LRRC4C: variants seen among roughly 807,000 people sequenced by gnomAD.
LRRC4C encodes the protein leucine rich repeat containing 4C.
A neutral mutation model predicts 33.6 loss-of-function variants in LRRC4C; 5 were observed. The ratio of observed to expected loss-of-function variants is 0.15; its 90% CI spans 0.08 to 0.31. LRRC4C has a LOEUF of 0.31. Among genes scored for constraint, LRRC4C ranks in the 10% least tolerant of loss-of-function variants. LRRC4C has a pLI of 1.00. For synonymous variants in LRRC4C, 329 were observed against 302.0 expected, an observed-to-expected ratio of 1.09 and a Z score of -0.93; for missense variants, 560 against 796.7, an observed-to-expected ratio of 0.70 and a Z score of 3.58.
chr11:41,222,656 C>A (rs1206974964), intron 1 of LRRC4C: 2 of 151,934 alleles, frequency 1.3e-5, no homozygotes, highest in African/African-American at 4.8e-5. Context: ...TTGACCTTGG[C>A]CCCAATCTAT....
intron 2 of LRRC4C, among the ~76,000 whole-genome samples, chr11:40,884,357 A>T (rs1040221491): frequency 2.0e-5 from 3 of 152,164 alleles, no homozygotes; most frequent in Admixed American, 1.3e-4. Flanking sequence ...TATTGTAAAT[A>T]GTGCTGCAAT....
chr11:40,876,429 C>T (rs992133566), intron 2 of LRRC4C, among the ~76,000 whole-genome samples: 10 of 151,942 alleles, frequency 6.6e-5, no homozygotes, highest in African/African-American at 2.4e-4. Context: ...CTTGTCGCCC[C>T]CAAAGTTCCA....
At chr11:40,613,847 G>A (rs4756610) in intron 3 of LRRC4C, among the ~76,000 whole-genome samples, 65,547 of 151,614 alleles carry the variant, frequency 0.43, 15,249 homozygotes, top group Middle Eastern at 0.57. Flanking sequence ...CTTAGGTGAC[G>A]AGGTGCATTG....
At chr11:40,378,974 T>C (rs1220199689) in intron 3 of LRRC4C, among the ~76,000 whole-genome samples, 1 of 152,126 alleles carries the variant, frequency 6.6e-6, no homozygotes, top group Non-Finnish European at 1.5e-5. Flanking sequence ...CATTGATTTA[T>C]TTAAATATTA....
chr11:41,420,408 G>C (rs955460684), intron 1 of LRRC4C, among the ~76,000 whole-genome samples: 1 of 151,902 alleles, frequency 6.6e-6, no homozygotes, highest in Non-Finnish European at 1.5e-5. Flanking sequence ...AAAGAAGAAG[G>C]TCTATGCCAT....
At chr11:40,460,109 A>G (rs969401986) in intron 3 of LRRC4C, among the ~76,000 whole-genome samples, 1 of 152,098 alleles carries the variant, frequency 6.6e-6, no homozygotes, top group Non-Finnish European at 1.5e-5. Flanking sequence ...TCTTTCCACA[A>G]AAACTTCAAT....
intron 3 of LRRC4C, among the ~76,000 whole-genome samples, chr11:40,515,652 G>A (rs922612260): frequency 1.3e-5 from 2 of 151,998 alleles, no homozygotes; most frequent in Admixed American, 1.3e-4. Context: ...GTACTAGACT[G>A]TAAGACTTAG....
At chr11:41,355,431 T>C (rs1040720452) in intron 1 of LRRC4C, among the ~76,000 whole-genome samples, 1 of 152,132 alleles carries the variant, frequency 6.6e-6, no homozygotes, top group Non-Finnish European at 1.5e-5. Flanking sequence ...AAGGTAGTAG[T>C]TTCCCACCTA....
At position 40,642,702 on chromosome 11, in the gene LRRC4C, A is replaced by G. The variant is rs149628988; in HGVS notation, c.-270+5440T>C. The stretch of plus-strand genomic sequence containing the variant: ...ATTTGTTAAATGAATTCATTTAATA[A>G]TTATTCTTTCATTCAACAATTATTT... On this transcript the variant is annotated intron_variant, in intron 3 of 6. Coordinates refer to ENST00000528697, the MANE Select transcript of LRRC4C (RefSeq NM_001258419.2). Among the ~76,000 whole-genome samples the G allele has an allele frequency of 1.4e-3, 219 of 152,294 alleles. 1 individual carries two copies. Among genetic ancestry groups the G allele is most frequent in the African/African-American group, 5.1e-3 (213 of 41,582 alleles).
chr11:40,366,829 T>C (rs1948228009), intron 3 of LRRC4C, among the ~76,000 whole-genome samples: 1 of 152,088 alleles, frequency 6.6e-6, no homozygotes, highest in African/African-American at 2.4e-5. Flanking sequence ...TCTGACCTTA[T>C]GCAAGTCTCC....
intron 2 of LRRC4C, among the ~76,000 whole-genome samples, chr11:40,931,400 G>A (rs1438380591): frequency 1.3e-5 from 2 of 152,004 alleles, no homozygotes; most frequent in Admixed American, 1.3e-4. Context: ...TTTTAGACAC[G>A]TGTGCATGCA....
At chr11:40,953,682 T>G (rs187686624) in intron 1 of LRRC4C, among the ~76,000 whole-genome samples, 4 of 151,898 alleles carry the variant, frequency 2.6e-5, no homozygotes, top group Admixed American at 1.3e-4. Context: ...CTATAAGGAC[T>G]TATTTTTCTG....
At chr11:41,369,478 C>A (rs754452889) in intron 1 of LRRC4C, among the ~76,000 whole-genome samples, 30 of 151,496 alleles carry the variant, frequency 2.0e-4, no homozygotes, top group Non-Finnish European at 3.7e-4. Context: ...ATCTGTACAA[C>A]AAACCCCTAT....
At chr11:40,288,068 C>T (rs904501374) in intron 4 of LRRC4C, among the ~76,000 whole-genome samples, 4 of 152,172 alleles carry the variant, frequency 2.6e-5, no homozygotes, top group Admixed American at 6.6e-5. Flanking sequence ...CATATGCAAT[C>T]TGATCTCATC....
At chr11:40,941,967 AC>A (rs1958170085) in intron 1 of LRRC4C, among the ~76,000 whole-genome samples, 1 of 152,130 alleles carries the variant, frequency 6.6e-6, no homozygotes, top group African/African-American at 2.4e-5. Context: ...AGGGTTAGAC[AC>A]ACAATAAATT....
intron 1 of LRRC4C, among the ~76,000 whole-genome samples, chr11:41,012,600 C>T (rs1262266424): frequency 6.6e-6 from 1 of 152,072 alleles, no homozygotes; most frequent in African/African-American, 2.4e-5. Context: ...AATATATGCC[C>T]AGTAGTGAAA....
At chr11:41,169,606 T>A (rs1024176409) in intron 1 of LRRC4C, among the ~76,000 whole-genome samples, 2 of 152,168 alleles carry the variant, frequency 1.3e-5, no homozygotes, top group African/African-American at 4.8e-5. Context: ...TTCTATTTGG[T>A]CCATTATAGA....
At chr11:41,148,492 G>A (rs1943834457) in intron 1 of LRRC4C, among the ~76,000 whole-genome samples, 1 of 152,116 alleles carries the variant, frequency 6.6e-6, no homozygotes, top group Admixed American at 6.5e-5. Context: ...GAGGGGTGGA[G>A]GGTGAGGTAT....
intron 1 of LRRC4C, among the ~76,000 whole-genome samples, chr11:41,168,794 T>C (rs1944843211): frequency 6.6e-6 from 1 of 152,118 alleles, no homozygotes; most frequent in South Asian, 2.1e-4. Flanking sequence ...TCTTCAGCGG[T>C]TGCCTACACC....
Sources: gnomAD v4.1 joint callset for allele counts (sites outside exome capture counted in the v4.1 genomes callset) on GRCh38, gnomAD v4.1.1 for gene constraint, MANE v1.5 for transcripts, NCBI Gene and HGNC (gene_info 2026-07-23, HGNC 2026-07-21) for gene names.